ANO4: variants seen among roughly 807,000 people sequenced by gnomAD.
ANO4 encodes the protein anoctamin 4.
ANO4 carries 69 observed loss-of-function variants against 141.9 expected under a neutral mutation model. The observed-to-expected ratio is 0.49, with a 90% confidence interval of 0.40 to 0.59. ANO4 has a LOEUF of 0.59. ANO4 is among the 20% of genes least tolerant of loss of function. The probability of loss-of-function intolerance (pLI) is 0.00; values close to 1 mark genes in which losing one functional copy is unlikely to be tolerated. For synonymous variants in ANO4, 350 were observed against 394.3 expected (o/e 0.89, Z 1.33); for missense variants, 894 against 1,162.2 (o/e 0.77, Z 3.36).
intron 3 of ANO4, among the ~76,000 whole-genome samples, chr12:100,924,686 G>A (rs1451332443): frequency 6.6e-6 from 1 of 152,042 alleles, no homozygotes; most frequent in Admixed American, 6.6e-5. Context: ...ATAAAATTAT[G>A]TAATTACTTC....
intron 3 of ANO4, among the ~76,000 whole-genome samples, chr12:100,751,539 G>A (rs1471481337): frequency 6.6e-6 from 1 of 152,068 alleles, no homozygotes; most frequent in Admixed American, 6.6e-5. Flanking sequence ...AGGCAAATAA[G>A]GATACAACTG....
intron 1 of ANO4, among the ~76,000 whole-genome samples, chr12:100,895,622 T>G (rs1593671309): frequency 6.7e-6 from 1 of 148,654 alleles, no homozygotes; most frequent in Non-Finnish European, 1.5e-5. Flanking sequence ...AGTGCAGTGG[T>G]GCTATCTCAG....
chr12:101,040,133 G>A, intron 11 of ANO4, 57 bp downstream of exon 11: 2 of 1,520,508 alleles, frequency 1.3e-6, no homozygotes, highest in Non-Finnish European at 1.8e-6. Flanking sequence ...AGGGCAGACT[G>A]TCAGCTGGGA....
chr12:100,988,265 G>A (rs1250522161), intron 8 of ANO4, among the ~76,000 whole-genome samples: 2 of 152,090 alleles, frequency 1.3e-5, no homozygotes, highest in African/African-American at 4.8e-5. Context: ...CTGAGCCTGT[G>A]AGGAACTGCA....
intron 1 of ANO4, among the ~76,000 whole-genome samples, chr12:100,838,233 A>C (rs1257808583): frequency 6.6e-6 from 1 of 150,402 alleles, no homozygotes; most frequent in African/African-American, 2.4e-5. Context: ...CCGTCTCAAA[A>C]AAAAAAAAAA....
In ANO4 at chr12:100,740,188, T is replaced by A. The variant is rs183035211; in HGVS notation, c.358+83T>A. 2,075 of 674,812 alleles carry A rather than the reference T, an allele frequency of 3.1e-3. 5 individuals carry two copies. The highest frequency in any genetic ancestry group is 4.5e-3 in the Non-Finnish European group (1,670 of 367,746). The allele number at this position is 674,812 out of a possible 1,614,324, so 41.8% of individuals were successfully genotyped here. ...GCATTTGCCTGCTGAATAAATTGCA[T>A]TTGTATTTCTGCTTGTGTGATATGA... On this transcript the variant is annotated intron_variant, in intron 3 of 29. Transcript: ENST00000644049.
upstream of ANO4, among the ~76,000 whole-genome samples, chr12:100,792,064 G>A (rs76685038): frequency 0.014 from 2,071 of 151,718 alleles, 53 homozygotes; most frequent in African/African-American, 0.048. Flanking sequence ...TTATGTGGCC[G>A]CCTACCCTCT....
chr12:100,946,828 A>G (rs1278872240), intron 5 of ANO4, among the ~76,000 whole-genome samples: 2 of 152,238 alleles, frequency 1.3e-5, no homozygotes, highest in Admixed American at 6.5e-5. Context: ...AGGAGGCAGC[A>G]GAAGAGACTA....
At position 101,055,188 on chromosome 12, in the gene ANO4, G is replaced by C. The variant is rs578085264; in HGVS notation, c.1312+6787G>C. ...AAAAGCCTTTGTAGCCATTCATCTTGGATGAATAATTAAAAGTGGCATTGC... is the reference window on the plus strand; with the variant it reads ...AAAAGCCTTTGTAGCCATTCATCTTCGATGAATAATTAAAAGTGGCATTGC... On this transcript the variant is annotated intron_variant, in intron 14 of 27. Transcript: ENST00000392977. Among the ~76,000 whole-genome samples, 26 of 152,102 alleles carry C rather than the reference G, an allele frequency of 1.7e-4. 1 individual carries two copies. The highest frequency in any genetic ancestry group is 6.0e-4 in the African/African-American group (25 of 41,406).
chr12:101,067,020 AAG>A (rs1209731616), intron 14 of ANO4: 2 of 574,694 alleles, frequency 3.5e-6, no homozygotes, highest in Non-Finnish European at 3.1e-6. Context: ...AAAAAAAAGA[AAG>A]AACAGACCAT....
At chr12:101,077,846 A>G (rs558776278) in intron 14 of ANO4, among the ~76,000 whole-genome samples, 1 of 152,226 alleles carries the variant, frequency 6.6e-6, no homozygotes, top group South Asian at 2.1e-4. Context: ...AGCATTTTGA[A>G]TTTTCGCATT....
chr12:100,723,025 G>A (rs140862191), intron 1 of ANO4, among the ~76,000 whole-genome samples: 135 of 151,720 alleles, frequency 8.9e-4, no homozygotes, highest in Middle Eastern at 6.8e-3. Flanking sequence ...TTGTTATTAT[G>A]CAAGCAAGAC....
At chr12:101,065,771 A>G (rs985853701) in intron 14 of ANO4, among the ~76,000 whole-genome samples, 1 of 152,208 alleles carries the variant, frequency 6.6e-6, no homozygotes. Context: ...TGAGTCCAGT[A>G]TTACCCTGAT....
chr12:100,879,692 AG>A (rs1345549714), intron 1 of ANO4, among the ~76,000 whole-genome samples: 3 of 152,214 alleles, frequency 2.0e-5, no homozygotes, highest in Non-Finnish European at 4.4e-5. Context: ...GGGACATGGT[AG>A]GCATCCAACA....
chr12:100,922,174 C>A, intron 2 of ANO4, 52 bp from the exon 3 acceptor site: 1 of 1,341,550 alleles, frequency 7.5e-7, no homozygotes, highest in African/African-American at 1.5e-5. Flanking sequence ...ACCCTAATGA[C>A]AGACTCTCTG....
At chr12:100,893,829 A>T (rs910186748) in intron 1 of ANO4, among the ~76,000 whole-genome samples, 1 of 152,104 alleles carries the variant, frequency 6.6e-6, no homozygotes, top group African/African-American at 2.4e-5. Context: ...ATTAAAAGGG[A>T]GATTCTCACT....
At chr12:100,756,373 G>A (rs919890742) in intron 3 of ANO4, among the ~76,000 whole-genome samples, 17 of 152,114 alleles carry the variant, frequency 1.1e-4, no homozygotes, top group African/African-American at 3.9e-4. Context: ...TTTTTGAGGT[G>A]TAGTCTTGCT....
chr12:100,845,021 G>C (rs183983434), intron 1 of ANO4, among the ~76,000 whole-genome samples: 1 of 152,110 alleles, frequency 6.6e-6, no homozygotes, highest in Admixed American at 6.6e-5. Context: ...CAAGAGAAGA[G>C]CTTTCAGAAG....
At chr12:100,827,955 G>A (rs936504119) in intron 1 of ANO4, among the ~76,000 whole-genome samples, 3 of 151,994 alleles carry the variant, frequency 2.0e-5, no homozygotes, top group Non-Finnish European at 2.9e-5. Flanking sequence ...GTGGGGCTAC[G>A]ACGGGTGTCC....
Sources: allele counts gnomAD v4.1 joint callset (sites outside exome capture counted in the v4.1 genomes callset), GRCh38; gene constraint gnomAD v4.1.1; transcripts MANE v1.5; gene names NCBI Gene and HGNC (gene_info 2026-07-23, HGNC 2026-07-21).